Variants in PADI4 observed in about 807,000 individuals in gnomAD.
PADI4 encodes the protein protein-arginine deiminase type-4.
In PADI4, 62 loss-of-function variants were observed where a neutral mutation model predicts 75.0. The ratio of observed to expected loss-of-function variants is 0.83; its 90% CI spans 0.67 to 1.02. The LOEUF (loss-of-function observed/expected upper bound fraction) is 1.02. PADI4 is among the 50% of genes least tolerant of loss of function. PADI4 has a pLI of 0.00. For synonymous variants in PADI4, 361 were observed against 348.1 expected, an observed-to-expected ratio of 1.04 and a Z score of -0.41; for missense variants, 845 against 850.5, an observed-to-expected ratio of 0.99 and a Z score of 0.08.
In PADI4 at chr1:17,346,124, T is replaced by C; in HGVS notation, c.1032T>C (p.Asp344=). ...LTICPEEENM[D]DQWMQDEMEI... is the part of the protein sequence containing the mutation. ...TCTGCCCTGAGGAGGAGAACATGGA[T>C]GACCAGTGGATGCAGGTATGTGCCC... Residue 344 remains aspartate, a synonymous_variant, in exon 9 of 16, where the codon GAT becomes GAC. Transcript: ENST00000375448. This position sits in a 1 kb window ranked among gnomAD's most constrained non-coding sequence, Gnocchi z 4.3. 1 of 1,611,526 alleles carries C rather than the reference T, an allele frequency of 6.2e-7. No individual in the cohort carries two copies. The highest frequency in any genetic ancestry group is 2.2e-5 in the East Asian group (1 of 44,864).
chr1:17,334,907 G>A (rs4345840), intron 3 of PADI4: 131,162 of 238,564 alleles, frequency 0.55, 36,508 homozygotes, highest in East Asian at 0.58. Context: ...TTTGGAAGGC[G>A]GAGGCAGGAG....
chr1:17,328,747 C>G (rs1027740656), intron 1 of PADI4, among the ~76,000 whole-genome samples: 26 of 151,996 alleles, frequency 1.7e-4, no homozygotes, highest in African/African-American at 6.0e-4. Context: ...CTCTCTCATC[C>G]TCCTGCCAAA....
chr1:17,336,031 C>G (rs1484294465), intron 3 of PADI4, 128 bp from the exon 4 acceptor site: 5 of 657,316 alleles, frequency 7.6e-6, no homozygotes, highest in South Asian at 1.8e-5. Context: ...CTCTGAAGGA[C>G]GGGAAGAGGG....
In PADI4 at chr1:17,346,754, C is replaced by A. The variant is rs749428985; in HGVS notation, c.1047+615C>A. Among the ~76,000 whole-genome samples the A allele has an allele frequency of 1.7e-4, 26 of 152,160 alleles. No homozygotes were observed. Among genetic ancestry groups the A allele is most frequent in the Non-Finnish European group, 3.4e-4 (23 of 68,032 alleles). ...GCTTTGCCTCGGGACCCTGTCCTTC[C>A]ATGCCGCACCCCTGCGGTGCTGTCT... On this transcript the variant is annotated intron_variant, in intron 9 of 15. Transcript: ENST00000375448. The surrounding 1 kb of genome is among the most constrained non-coding windows in gnomAD (Gnocchi z 4.3).
chr1:17,329,215 A>C (rs2074165942), intron 1 of PADI4, among the ~76,000 whole-genome samples: 1 of 151,632 alleles, frequency 6.6e-6, no homozygotes, highest in Admixed American at 6.6e-5. Flanking sequence ...AAATCTGTGT[A>C]TACAGGAGGC....
chr1:17,355,334 C>A (rs992468753), intron 11 of PADI4, among the ~76,000 whole-genome samples: 1 of 152,126 alleles, frequency 6.6e-6, no homozygotes, highest in South Asian at 2.1e-4. Flanking sequence ...GGTGGATTAC[C>A]TGAGGTCAGG....
At chr1:17,345,996 G>C (rs779492813) in intron 8 of PADI4, 32 bp from the exon 9 acceptor site, 10 of 1,379,036 alleles carry the variant, frequency 7.3e-6, no homozygotes, top group Admixed American at 1.7e-5. Flanking sequence ...AAATTCCAGA[G>C]CACTAAGGAG....
At chr1:17,352,005 AT>A (rs2074648395) in intron 10 of PADI4, among the ~76,000 whole-genome samples, 1 of 21,200 alleles carries the variant, frequency 4.7e-5, no homozygotes, top group African/African-American at 3.5e-4. Context: ...CAGGGAGGTG[AT>A]GGGAGGAGAG....
chr1:17,359,286 A>G lies in PADI4; in HGVS notation c.1636A>G (p.Ile546Val). 1 of 1,543,916 alleles carries G rather than the reference A, an allele frequency of 6.5e-7. No homozygotes were observed. ...REHNSFVERCIDWNRELLKRE... is the reference protein window; with the variant it reads ...REHNSFVERCVDWNRELLKRE... ...CCCCTGCCCCTTCCCCAAGAGATGCATCGACTGGAACCGCGAGCTGCTGAA... is the reference window on the plus strand; with the variant it reads ...CCCCTGCCCCTTCCCCAAGAGATGCGTCGACTGGAACCGCGAGCTGCTGAA... Residue 546 changes from isoleucine (I) to valine (V), a missense_variant, in exon 15 of 16, where the codon ATC becomes GTC. Physicochemically the swap from Ile to Val is conservative, Grantham distance 29. Transcript: ENST00000375448.
At chr1:17,345,647 T>C (rs2074501889) in intron 8 of PADI4, among the ~76,000 whole-genome samples, 1 of 152,232 alleles carries the variant, frequency 6.6e-6, no homozygotes, top group South Asian at 2.1e-4. Flanking sequence ...TATCAGGTTT[T>C]TCTCCTTTTT....
At chr1:17,330,741 G>A (rs978629198) in intron 1 of PADI4, among the ~76,000 whole-genome samples, 1 of 152,162 alleles carries the variant, frequency 6.6e-6, no homozygotes, top group African/African-American at 2.4e-5. Context: ...ACTGGATGGT[G>A]CCCACCCATA....
In PADI4 at chr1:17,346,536, C is replaced by T. The variant is rs1378007938; in HGVS notation, c.1047+397C>T. 6.6e-6 allele frequency among the ~76,000 whole-genome samples: 1 copy of T among 152,206 alleles called. No homozygotes were observed. On this transcript the variant is annotated intron_variant, in intron 9 of 15. Coordinates refer to ENST00000375448, the MANE Select transcript of PADI4 (RefSeq NM_012387.3). This position sits in a 1 kb window ranked among gnomAD's most constrained non-coding sequence, Gnocchi z 4.3. ...GCACTTTCCATGGCTCCCATCTCCT[C>T]CTGCTTAGTCTGTTTCCAGGCCCTC...
chr1:17,317,710 T>C (rs138679964), intron 1 of PADI4, among the ~76,000 whole-genome samples: 1,739 of 152,208 alleles, frequency 0.011, 39 homozygotes, highest in African/African-American at 0.04. Flanking sequence ...ATCAAAAGCA[T>C]CTGGAGAGCG....
intron 1 of PADI4, among the ~76,000 whole-genome samples, chr1:17,310,161 T>G (rs1172572976): frequency 6.6e-6 from 1 of 152,176 alleles, no homozygotes; most frequent in African/African-American, 2.4e-5. Flanking sequence ...TACATCACAC[T>G]TCCTACATTC....
chr1:17,329,345 A>C (rs2074169578), intron 1 of PADI4, among the ~76,000 whole-genome samples: 1 of 151,822 alleles, frequency 6.6e-6, no homozygotes, highest in Non-Finnish European at 1.5e-5. Flanking sequence ...AAAAATAGTA[A>C]ATCTTGTATA....
chr1:17,341,139 G>A (rs2074411865), intron 6 of PADI4, among the ~76,000 whole-genome samples: 3 of 131,868 alleles, frequency 2.3e-5, no homozygotes, highest in Non-Finnish European at 4.8e-5. Context: ...TCTCTCTGTC[G>A]CCAGGCTGGA....
chr1:17,363,780 C>T lies in PADI4; in HGVS notation c.*25C>T, dbSNP rs766702428. On this transcript the variant is annotated 3_prime_UTR_variant, in exon 16 of 16. Coordinates refer to ENST00000375448, the MANE Select transcript of PADI4 (RefSeq NM_012387.3). ...AGCCCATCTTCCCTGGCGTCCTCTC[C>T]CTCCTGGCCAGATGTCGCTGGGTCC... 2.6e-6 allele frequency: 4 copies of T among 1,529,680 alleles called. No individual in the cohort carries two copies. The highest frequency in any genetic ancestry group is 1.7e-5 in the Admixed American group (1 of 59,652). The allele number at this position is 1,529,680 out of a possible 1,614,324, so 94.8% of individuals were successfully genotyped here.
intron 1 of PADI4, among the ~76,000 whole-genome samples, chr1:17,324,785 G>A (rs2074093169): frequency 6.6e-6 from 1 of 152,172 alleles, no homozygotes; most frequent in Non-Finnish European, 1.5e-5. Context: ...TCTCCCTCCA[G>A]CTGATTTTTG....
intron 10 of PADI4, among the ~76,000 whole-genome samples, chr1:17,348,417 G>T (rs1346128908): frequency 1.3e-5 from 2 of 152,144 alleles, no homozygotes; most frequent in Non-Finnish European, 1.5e-5. Flanking sequence ...TGTCTTATGG[G>T]TGGTGTTTGG....
Sources: allele counts gnomAD v4.1 joint callset (sites outside exome capture counted in the v4.1 genomes callset), GRCh38; gene constraint gnomAD v4.1.1; non-coding constraint Gnocchi (gnomAD v3.1); transcripts MANE v1.5; gene names NCBI Gene and HGNC (gene_info 2026-07-23, HGNC 2026-07-21).